KPNA4: variants seen among roughly 807,000 people sequenced by gnomAD.
The protein encoded by KPNA4 is karyopherin subunit alpha 4, also known as importin subunit alpha-3.
In KPNA4, 13 loss-of-function variants were observed where a neutral mutation model predicts 71.3. That is an observed-to-expected ratio of 0.18 (90% CI 0.12 to 0.29). The LOEUF is 0.29. Ranked by LOEUF, KPNA4 falls within the 10% of genes least tolerant of loss-of-function variation. The pLI, the probability that KPNA4 is intolerant of heterozygous loss-of-function variation, is 1.00. For synonymous variants in KPNA4, 189 were observed against 195.2 expected (o/e 0.97, Z 0.26); for missense variants, 334 against 603.2 (o/e 0.55, Z 4.67).
intron 1 of KPNA4, among the ~76,000 whole-genome samples, chr3:160,537,447 C>T (rs1721712662): frequency 6.6e-6 from 1 of 151,700 alleles, no homozygotes; most frequent in Middle Eastern, 3.4e-3. Flanking sequence ...TATGGCACAC[C>T]ATGGCCATTC....
chr3:160,517,569 T>C (rs553719619), intron 11 of KPNA4, among the ~76,000 whole-genome samples: 1 of 152,208 alleles, frequency 6.6e-6, no homozygotes, highest in Admixed American at 6.5e-5. Flanking sequence ...TGTACCATTT[T>C]ATATTCTCAC....
chr3:160,504,785 T>A (rs1376939919), intron 16 of KPNA4, among the ~76,000 whole-genome samples, 173 bp downstream of exon 16: 2 of 152,198 alleles, frequency 1.3e-5, no homozygotes, highest in Non-Finnish European at 2.9e-5. Context: ...CCTGAAGGGA[T>A]CTTAAAATAT....
chr3:160,547,068 T>C (rs539897279), intron 1 of KPNA4, among the ~76,000 whole-genome samples: 2 of 152,312 alleles, frequency 1.3e-5, no homozygotes, highest in South Asian at 2.1e-4. Context: ...GTGGAGTATG[T>C]AGGCGACATG....
chr3:160,500,161 C>T lies in KPNA4; in HGVS notation c.*1943G>A, dbSNP rs1029264916. 6.6e-6 allele frequency: 1 copy of T among 151,998 alleles called. No homozygotes were observed. Among genetic ancestry groups the T allele is most frequent in the African/African-American group, 2.4e-5 (1 of 41,312 alleles). The allele number at this position is 151,998 out of a possible 1,614,324, so 9.4% of individuals were successfully genotyped here. A position where few individuals can be genotyped will look rare whatever the true frequency, so the allele number is the denominator to read the frequency against. ...AAATCCACACACCACACACACACACCCCATGTAAAACATTGCTTTAAGTTT... is the reference window on the plus strand; with the variant it reads ...AAATCCACACACCACACACACACACTCCATGTAAAACATTGCTTTAAGTTT... On this transcript the variant is annotated 3_prime_UTR_variant, in exon 17 of 17. Coordinates refer to ENST00000334256, the MANE Select transcript of KPNA4 (RefSeq NM_002268.5).
intron 8 of KPNA4, 124 bp downstream of exon 8, chr3:160,527,828 TA>T: frequency 1.7e-6 from 1 of 592,728 alleles, no homozygotes; most frequent in Non-Finnish European, 2.9e-6. Context: ...CAAATTTCTG[TA>T]AGCTATTTCA....
intron 1 of KPNA4, among the ~76,000 whole-genome samples, chr3:160,561,359 T>C (rs1271311397): frequency 1.3e-5 from 2 of 152,070 alleles, no homozygotes; most frequent in Non-Finnish European, 2.9e-5. Context: ...GTTTGGTCAC[T>C]ACCCATTTCC....
chr3:160,524,972 A>G lies in KPNA4; in HGVS notation c.771+828T>C, dbSNP rs143238006. Among the ~76,000 whole-genome samples the G allele has an allele frequency of 1.7e-3, 257 of 152,280 alleles. 1 individual carries two copies. Among genetic ancestry groups the G allele is most frequent in the African/African-American group, 5.8e-3 (242 of 41,558 alleles). ...TGCCAAACTGTTTTTAAAGAACCACATGAGTTCCTGATTGTTGCTAAACAT... is the reference window on the plus strand; with the variant it reads ...TGCCAAACTGTTTTTAAAGAACCACGTGAGTTCCTGATTGTTGCTAAACAT... On this transcript the variant is annotated intron_variant, in intron 10 of 16. Transcript: ENST00000334256.
In KPNA4 at chr3:160,514,195, G is replaced by T. The variant is rs1470057120; in HGVS notation, c.1033-14C>A. 1.3e-6 allele frequency: 2 copies of T among 1,554,834 alleles called. No homozygotes were observed. Among genetic ancestry groups the T allele is most frequent in the Non-Finnish European group, 1.7e-6 (2 of 1,147,964 alleles). Reference sequence around the variant, plus strand: ...CCACACTGCTTCCTGTAGAACAAGAGCATTTGAATATTTCTCATTAAAAAA... The same window carrying T: ...CCACACTGCTTCCTGTAGAACAAGATCATTTGAATATTTCTCATTAAAAAA... On this transcript the variant is annotated splice_polypyrimidine_tract_variant and intron_variant, in intron 12 of 16. Transcript: ENST00000334256.
At chr3:160,564,289 T>C (rs1171452277) in intron 1 of KPNA4, 4 of 152,160 alleles carry the variant, frequency 2.6e-5, no homozygotes, top group Non-Finnish European at 4.4e-5. Flanking sequence ...GCTTTTTTTT[T>C]CCTTTTTAAA....
intron 11 of KPNA4, among the ~76,000 whole-genome samples, chr3:160,518,519 T>C (rs1352619511): frequency 6.6e-6 from 1 of 151,592 alleles, no homozygotes; most frequent in Non-Finnish European, 1.5e-5. Flanking sequence ...TGCCCATCTG[T>C]TGAAAAGGTT....
Position 160,541,765 on chromosome 3 carries a change from C to T in KPNA4, c.70-4925G>A, listed in dbSNP as rs140553164. Among the ~76,000 whole-genome samples, 364 of 151,772 alleles carry T rather than the reference C, an allele frequency of 2.4e-3. 4 individuals are homozygous for T. Among genetic ancestry groups the T allele is most frequent in the African/African-American group, 8.4e-3 (349 of 41,370 alleles). On this transcript the variant is annotated intron_variant, in intron 1 of 16. Coordinates refer to ENST00000334256, the MANE Select transcript of KPNA4 (RefSeq NM_002268.5). Reference sequence around the variant, plus strand: ...ATTCATTCAAACATTTATTAATCACCTAATTGCCAAGCATTAGAAATACAA... The same window carrying T: ...ATTCATTCAAACATTTATTAATCACTTAATTGCCAAGCATTAGAAATACAA...
chr3:160,543,860 CCTTTTTTT>C (rs1721853570), intron 1 of KPNA4, among the ~76,000 whole-genome samples: 1 of 151,816 alleles, frequency 6.6e-6, no homozygotes, highest in Non-Finnish European at 1.5e-5. Context: ...GAATCCTTGA[CCTTTTTTT>C]TTTCCCAAGA....
intron 15 of KPNA4, among the ~76,000 whole-genome samples, chr3:160,507,886 G>A (rs1009167064): frequency 1.3e-5 from 2 of 152,210 alleles, no homozygotes; most frequent in African/African-American, 4.8e-5. Flanking sequence ...TGTCTTCCCA[G>A]TAACTTATCA....
In KPNA4 at chr3:160,521,978, C is replaced by T. The variant is rs1349547931; in HGVS notation, c.772-68G>A. On this transcript the variant is annotated intron_variant, in intron 10 of 16. Transcript: ENST00000334256. ...CTCATTTTAGTAATTCTTGACCAAACAACCATTCTAAAATTGTTCAACTAC... is the reference window on the plus strand; with the variant it reads ...CTCATTTTAGTAATTCTTGACCAAATAACCATTCTAAAATTGTTCAACTAC... 29 of 1,384,420 alleles carry T rather than the reference C, an allele frequency of 2.1e-5. No individual in the cohort carries two copies. The East Asian group carries it at 3.9e-4, about 18-fold the overall frequency. 85.8% of individuals were successfully genotyped at this position (1,384,420 alleles called of 1,614,324 possible). A position where few individuals can be genotyped will look rare whatever the true frequency, so the allele number is the denominator to read the frequency against.
chr3:160,550,893 A>G (rs1027626411), intron 1 of KPNA4, among the ~76,000 whole-genome samples: 1 of 152,110 alleles, frequency 6.6e-6, no homozygotes, highest in Non-Finnish European at 1.5e-5. Flanking sequence ...TTAATGTGCT[A>G]TTGGATTTGG....
At chr3:160,536,737 A>G (rs1721701904) in intron 2 of KPNA4, 59 bp downstream of exon 2, 3 of 937,908 alleles carry the variant, frequency 3.2e-6, no homozygotes, top group Non-Finnish European at 4.8e-6. Context: ...CATCTTGTAT[A>G]TAATGCTATA....
At chr3:160,551,840 T>C (rs1722045191) in intron 1 of KPNA4, among the ~76,000 whole-genome samples, 1 of 151,632 alleles carries the variant, frequency 6.6e-6, no homozygotes, top group Non-Finnish European at 1.5e-5. Flanking sequence ...TCTGGGAAGT[T>C]TACTGAAGTA....
At chr3:160,517,234 T>C (rs929652795) in intron 11 of KPNA4, among the ~76,000 whole-genome samples, 3 of 152,064 alleles carry the variant, frequency 2.0e-5, no homozygotes, top group African/African-American at 7.3e-5. Flanking sequence ...GCCTTTTTTG[T>C]CTAGCTTCTT....
Position 160,521,775 on chromosome 3 carries a change from T to A in KPNA4, c.903+4A>T, listed in dbSNP as rs1447014097. 2 of 1,609,802 alleles carry A rather than the reference T, an allele frequency of 1.2e-6. No homozygotes were observed. Among genetic ancestry groups the A allele is most frequent in the African/African-American group, 1.3e-5 (1 of 74,702 alleles). On this transcript the variant is annotated splice_donor_region_variant and intron_variant, in intron 11 of 16. Coordinates refer to ENST00000334256, the MANE Select transcript of KPNA4 (RefSeq NM_002268.5). ...ACTTATAATTTAACTAAGAACAAAC[T>A]TACCTGAACTTTAACTTCCTGGTGG...
Sources: allele counts gnomAD v4.1 joint callset (sites outside exome capture counted in the v4.1 genomes callset), GRCh38; gene constraint gnomAD v4.1.1; transcripts MANE v1.5; gene names NCBI Gene and HGNC (gene_info 2026-07-23, HGNC 2026-07-21).